The following FALEC variants were observed in gnomAD, a reference collection of about 807,000 sequenced individuals.
The protein encoded by FALEC is focally amplified lncRNA on chromosome 1.
At chr1:150,519,487 G>A (rs77058047), downstream of FALEC, among the ~76,000 whole-genome samples, 20,513 of 152,144 alleles carry the variant, frequency 0.13, 1,788 homozygotes, top group Non-Finnish European at 0.2. Context: ...TTGGGAGACC[G>A]AGGTGGGCAG....
the FALEC span, among the ~76,000 whole-genome samples, chr1:150,534,094 T>A: frequency 2.0e-5 from 3 of 152,104 alleles, no homozygotes; most frequent in Non-Finnish European, 4.4e-5. Context: ...TGGGCCAGGG[T>A]GGGGCAGTGA....
At chr1:150,517,024 C>T (rs1200188744) in intron 1 of FALEC, among the ~76,000 whole-genome samples, 2 of 152,088 alleles carry the variant, frequency 1.3e-5, no homozygotes, top group Admixed American at 6.6e-5. Flanking sequence ...CCTAGCCAGG[C>T]GCGGTGGCTC....
chr1:150,524,560 A>T, the FALEC span, among the ~76,000 whole-genome samples: 1 of 152,202 alleles, frequency 6.6e-6, no homozygotes, highest in Non-Finnish European at 1.5e-5. Context: ...CAATAATAAG[A>T]CAAGTCAATC....
chr1:150,522,949 GTATATATA>G (rs1156284115), downstream of FALEC, among the ~76,000 whole-genome samples: 6 of 21,656 alleles, frequency 2.8e-4, no homozygotes, highest in South Asian at 1.4e-3. Context: ...GTGTGTGTGT[GTATATATA>G]TATATATATA....
chr1:150,525,776 C>G, the FALEC span, among the ~76,000 whole-genome samples: 2 of 152,172 alleles, frequency 1.3e-5, no homozygotes, highest in Admixed American at 6.5e-5. Context: ...CTCAGGCTCC[C>G]GAGTAACTGG....
chr1:150,524,616 A>G, the FALEC span, among the ~76,000 whole-genome samples: 2 of 152,208 alleles, frequency 1.3e-5, no homozygotes. Flanking sequence ...CTAAGAAGAT[A>G]TACAGACTGC....
At chr1:150,523,779 A>G in the FALEC span, among the ~76,000 whole-genome samples, 44 of 152,186 alleles carry the variant, frequency 2.9e-4, no homozygotes, top group African/African-American at 7.7e-4. Context: ...GGAAACCGTG[A>G]ATTTTATTTT....
downstream of FALEC, among the ~76,000 whole-genome samples, chr1:150,522,012 A>G (rs1013297209): frequency 2.0e-5 from 3 of 152,174 alleles, no homozygotes; most frequent in Admixed American, 2.0e-4. Flanking sequence ...TGGGAGTCCA[A>G]GGTGGGCAGA....
downstream of FALEC, among the ~76,000 whole-genome samples, chr1:150,522,889 GTATA>G (rs1179886123): frequency 5.4e-4 from 24 of 44,320 alleles, 1 homozygote; most frequent in African/African-American, 1.3e-3. Flanking sequence ...ATATATATAC[GTATA>G]TATATATATA....
At chr1:150,529,787 C>T in the FALEC span, among the ~76,000 whole-genome samples, 2 of 152,012 alleles carry the variant, frequency 1.3e-5, no homozygotes, top group Non-Finnish European at 2.9e-5. Context: ...TTAGTAGAGA[C>T]GGGGTTTTCC....
the FALEC span, among the ~76,000 whole-genome samples, chr1:150,535,500 T>C: frequency 1.3e-5 from 2 of 152,360 alleles, no homozygotes; most frequent in African/African-American, 4.8e-5. Flanking sequence ...AGCCTTGGCC[T>C]CCCAAATTGC....
chr1:150,526,694 C>T, the FALEC span, among the ~76,000 whole-genome samples: 19 of 151,342 alleles, frequency 1.3e-4, no homozygotes, highest in African/African-American at 3.2e-4. Context: ...AGTGCAGTGG[C>T]GCAATCCCGG....
chr1:150,520,091 A>G (rs987343218), downstream of FALEC, among the ~76,000 whole-genome samples: 1 of 152,224 alleles, frequency 6.6e-6, no homozygotes, highest in East Asian at 1.9e-4. Context: ...GGAGGTTGTC[A>G]TGAGCCAAGA....
the FALEC span, among the ~76,000 whole-genome samples, chr1:150,526,344 C>T: frequency 1.6e-3 from 181 of 111,542 alleles, no homozygotes; most frequent in African/African-American, 5.6e-3. Context: ...AGTGAAACTC[C>T]GTCTCAAAAA....
chr1:150,532,060 C>T, the FALEC span, among the ~76,000 whole-genome samples: 3 of 152,202 alleles, frequency 2.0e-5, no homozygotes, highest in African/African-American at 7.2e-5. Flanking sequence ...GTGCCCACCA[C>T]CACGCCCAGC....
At chr1:150,522,778 T>C (rs587688906), downstream of FALEC, among the ~76,000 whole-genome samples, 3 of 148,774 alleles carry the variant, frequency 2.0e-5, no homozygotes, top group East Asian at 3.9e-4. Context: ...ATGCAAGATA[T>C]CAATATTTTT....
chr1:150,529,016 C>CAAAAAAAAAGAAAAAA, the FALEC span, among the ~76,000 whole-genome samples: 3 of 59,292 alleles, frequency 5.1e-5, no homozygotes, highest in Admixed American at 2.1e-4. Context: ...AAATAAATAG[C>CAAAAAAAAAGAAAAAA]AAAAAAAAAA....
the FALEC span, among the ~76,000 whole-genome samples, chr1:150,534,531 A>T: frequency 6.6e-6 from 1 of 152,022 alleles, no homozygotes; most frequent in Non-Finnish European, 1.5e-5. Context: ...CCCACTCAGG[A>T]GATGGAGGCT....
the FALEC span, among the ~76,000 whole-genome samples, chr1:150,526,652 G>A: frequency 6.6e-6 from 1 of 150,540 alleles, no homozygotes; most frequent in Non-Finnish European, 1.5e-5. Context: ...TTATTTTTTT[G>A]AGGCGGAGTC....
Sources: gnomAD v4.1 joint callset for allele counts (sites outside exome capture counted in the v4.1 genomes callset) on GRCh38, gnomAD v4.1.1 for gene constraint, MANE v1.5 for transcripts, NCBI Gene and HGNC (gene_info 2026-07-23, HGNC 2026-07-21) for gene names.